The following SLC9C2 variants were observed in gnomAD, a reference collection of about 807,000 sequenced individuals.
The protein encoded by SLC9C2 is solute carrier family 9 member C2 (putative).
SLC9C2 carries 75 observed loss-of-function variants against 140.2 expected under a neutral mutation model. That is an observed-to-expected ratio of 0.53 (90% CI 0.44 to 0.65). The LOEUF (loss-of-function observed/expected upper bound fraction) is 0.65, where lower values mean the gene tolerates loss of function less well. Ranked by LOEUF, SLC9C2 falls within the 30% of genes least tolerant of loss-of-function variation. The pLI is 0.00. For synonymous variants in SLC9C2, 375 were observed against 420.9 expected (o/e 0.89, Z 1.34); for missense variants, 1,074 against 1,331.8 (o/e 0.81, Z 3.01).
At chr1:173,508,236 GA>G (rs943874213) in intron 24 of SLC9C2, among the ~76,000 whole-genome samples, 3 of 151,246 alleles carry the variant, frequency 2.0e-5, no homozygotes, top group Admixed American at 6.6e-5. Context: ...GATTTAGAGG[GA>G]AAAAAATCTT....
rs114154751 is a variant in SLC9C2, at chr1:173,552,657, T to G, written c.1297+2076A>C. Reference sequence around the variant, plus strand: ...CTTTATAGCATGGTTTACTAAATATTTTAAGCTCACTATTGATATCTACTG... The same window carrying G: ...CTTTATAGCATGGTTTACTAAATATGTTAAGCTCACTATTGATATCTACTG... On this transcript the variant is annotated intron_variant, in intron 11 of 27. Coordinates refer to ENST00000367714, the MANE Select transcript of SLC9C2 (RefSeq NM_178527.4). 8.1e-3 allele frequency among the ~76,000 whole-genome samples: 1,232 copies of G among 152,286 alleles called. 17 individuals carry two copies. The highest frequency in any genetic ancestry group is 0.028 in the African/African-American group (1,182 of 41,572).
intron 13 of SLC9C2, among the ~76,000 whole-genome samples, chr1:173,543,226 C>T (rs1320107307): frequency 2.7e-5 from 4 of 147,346 alleles, no homozygotes; most frequent in Non-Finnish European, 4.5e-5. Flanking sequence ...AGACAGAGAG[C>T]CAAATCATGA....
intron 23 of SLC9C2, among the ~76,000 whole-genome samples, chr1:173,516,500 T>G (rs1660430954): frequency 6.6e-6 from 1 of 152,170 alleles, no homozygotes; most frequent in Non-Finnish European, 1.5e-5. Flanking sequence ...GTGTGTTTTA[T>G]TCCCCTCTCT....
chr1:173,557,998 A>G (rs1438360462), intron 9 of SLC9C2, among the ~76,000 whole-genome samples: 1 of 152,230 alleles, frequency 6.6e-6, no homozygotes, highest in African/African-American at 2.4e-5. Context: ...TCACACAAAT[A>G]ATTTTAATTT....
rs147608442 is a variant in SLC9C2, at chr1:173,597,248, C to T, written c.357+656G>A. 5.3e-4 allele frequency among the ~76,000 whole-genome samples: 81 copies of T among 151,724 alleles called. 1 individual carries two copies. The East Asian group carries it at 0.012, about 23-fold the overall frequency. On this transcript the variant is annotated intron_variant, in intron 4 of 27. Coordinates refer to ENST00000367714, the MANE Select transcript of SLC9C2 (RefSeq NM_178527.4). Reference sequence around the variant, plus strand: ...AATAAAACATCATATTTGGAAAATTCAAAACAATTTGTAAATAACTAATGG... The same window carrying T: ...AATAAAACATCATATTTGGAAAATTTAAAACAATTTGTAAATAACTAATGG...
At chr1:173,582,730 C>T (rs558300232) in intron 6 of SLC9C2, among the ~76,000 whole-genome samples, 78 of 152,264 alleles carry the variant, frequency 5.1e-4, no homozygotes, top group Admixed American at 8.5e-4. Context: ...CATCTGGAAA[C>T]CTAGCAAGGC....
In SLC9C2 at chr1:173,537,070, G is replaced by T. The variant is rs1234411134; in HGVS notation, c.1558-31C>A. Reference sequence around the variant, plus strand: ...CATACATTAAATGAAGATTACAAAAGATCAAAACATAAATGGAATGTATTC... The same window carrying T: ...CATACATTAAATGAAGATTACAAAATATCAAAACATAAATGGAATGTATTC... On this transcript the variant is annotated intron_variant, in intron 13 of 27. Transcript: ENST00000367714. The T allele has an allele frequency of 2.0e-6, 3 of 1,528,264 alleles. No homozygotes were observed. The Admixed American group carries it at 5.0e-5, about 26-fold the overall frequency. 94.7% of individuals were successfully genotyped at this position (1,528,264 alleles called of 1,614,324 possible).
chr1:173,541,768 A>G (rs888424659), intron 13 of SLC9C2, among the ~76,000 whole-genome samples: 3 of 152,266 alleles, frequency 2.0e-5, no homozygotes, highest in Non-Finnish European at 4.4e-5. Flanking sequence ...TACTGGTTAA[A>G]TAACAAAATG....
At chr1:173,587,927 G>C in intron 4 of SLC9C2, 97 bp from the exon 5 acceptor site, 2 of 909,776 alleles carry the variant, frequency 2.2e-6, no homozygotes, top group Non-Finnish European at 3.2e-6. Flanking sequence ...GGTTGTAAAT[G>C]TTATACAATT....
chr1:173,522,671 A>G (rs1270690042), intron 21 of SLC9C2, among the ~76,000 whole-genome samples: 2 of 152,192 alleles, frequency 1.3e-5, no homozygotes, highest in Non-Finnish European at 2.9e-5. Flanking sequence ...TTTATGGAGG[A>G]AGAGGCCCAC....
In SLC9C2 at chr1:173,551,019, T is replaced by C. The variant is rs116878801; in HGVS notation, c.1298-2467A>G. Among the ~76,000 whole-genome samples the C allele has an allele frequency of 1.8e-3, 278 of 151,962 alleles. 7 individuals carry two copies. In the East Asian group the frequency reaches 0.047, roughly 26 times the overall value. ...CCCACGTGCTAGCCTCACTCAAACA[T>C]TGGAGCCCTTTGCTTTGAGGTGGGC... On this transcript the variant is annotated intron_variant, in intron 11 of 27. Transcript: ENST00000367714.
In SLC9C2 at chr1:173,555,739, A is replaced by G. The variant is rs548501143; in HGVS notation, c.1216-925T>C. On this transcript the variant is annotated intron_variant, in intron 10 of 27. Coordinates refer to ENST00000367714, the MANE Select transcript of SLC9C2 (RefSeq NM_178527.4). ...CAAAACCACTGGTTATTTGAACTCA[A>G]AATTCATGCCCAGATCGGGCCCACA... is the stretch of plus-strand genomic sequence containing the variant. Among the ~76,000 whole-genome samples the G allele has an allele frequency of 2.6e-5, 4 of 152,350 alleles. No individual in the cohort carries two copies. In the East Asian group the frequency reaches 7.7e-4, roughly 29 times the overall value.
At chr1:173,589,337 G>A (rs1169534968) in intron 4 of SLC9C2, among the ~76,000 whole-genome samples, 2 of 152,070 alleles carry the variant, frequency 1.3e-5, no homozygotes, top group Non-Finnish European at 2.9e-5. Flanking sequence ...CAGGAGGATC[G>A]CTTGAGGCCA....
chr1:173,510,289 G>A (rs1659949093), intron 23 of SLC9C2, among the ~76,000 whole-genome samples: 1 of 152,138 alleles, frequency 6.6e-6, no homozygotes, highest in Non-Finnish European at 1.5e-5. Context: ...TCCAAAGATT[G>A]AGAATTCTTT....
At chr1:173,556,910 A>G (rs1038360518) in intron 10 of SLC9C2, among the ~76,000 whole-genome samples, 1 of 151,742 alleles carries the variant, frequency 6.6e-6, no homozygotes, top group Non-Finnish European at 1.5e-5. Context: ...CCTGGGTGAC[A>G]GAGTGAAATC....
chr1:173,518,153 C>T (rs1296501518), intron 22 of SLC9C2, among the ~76,000 whole-genome samples: 1 of 151,992 alleles, frequency 6.6e-6, no homozygotes, highest in Non-Finnish European at 1.5e-5. Flanking sequence ...GTCCCAGCTA[C>T]TCAGGAGACT....
At chr1:173,544,247 A>T (rs942392383) in intron 13 of SLC9C2, among the ~76,000 whole-genome samples, 1 of 152,256 alleles carries the variant, frequency 6.6e-6, no homozygotes, top group Non-Finnish European at 1.5e-5. Context: ...GCCAACAGAC[A>T]CATGAAAAAA....
chr1:173,600,180 A>G lies in SLC9C2; in HGVS notation c.165T>C (p.Ile55=), dbSNP rs1355711394. The change falls in exon 3 of 28, where the codon ATT becomes ATC. Residue 55 remains isoleucine, a synonymous_variant. Transcript: ENST00000367714. ...LKMCLKNCEV[I]VLTILSLSGF... is the part of the protein sequence containing the mutation. ...CTGATAGAGAAAGAATCGTCAAAACAATGACTTCACAATTCTTTAAACACA... is the reference window on the plus strand; with the variant it reads ...CTGATAGAGAAAGAATCGTCAAAACGATGACTTCACAATTCTTTAAACACA... 3 of 1,612,826 alleles carry G rather than the reference A, an allele frequency of 1.9e-6. No homozygotes were observed. Among genetic ancestry groups the G allele is most frequent in the South Asian group, 2.2e-5 (2 of 90,892 alleles).
intron 11 of SLC9C2, 125 bp from the exon 12 acceptor site, chr1:173,548,677 A>C (rs1663041232): frequency 2.0e-6 from 2 of 999,850 alleles, no homozygotes. Context: ...TGGTTAGAGC[A>C]AGGACAATTT....
Sources: allele counts gnomAD v4.1 joint callset (sites outside exome capture counted in the v4.1 genomes callset), GRCh38; gene constraint gnomAD v4.1.1; transcripts MANE v1.5; gene names NCBI Gene and HGNC (gene_info 2026-07-23, HGNC 2026-07-21).